Variants in TRAPPC9 observed in about 807,000 individuals in gnomAD.
TRAPPC9 encodes the protein IKK2 binding protein.
In TRAPPC9, 83 loss-of-function variants were observed where a neutral mutation model predicts 124.0. The observed-to-expected ratio is 0.67, with a 90% CI of 0.56 to 0.80. The LOEUF is 0.80. Among genes scored for constraint, TRAPPC9 ranks in the 30% least tolerant of loss-of-function variants. The pLI is 0.00. For missense variants in TRAPPC9, 1,302 were observed against 1,508.3 expected (o/e 0.86, Z 2.27); for synonymous variants, 638 against 617.5 (o/e 1.03, Z -0.49).
At chr8:140,056,160 G>T (rs902042952) in intron 17 of TRAPPC9, among the ~76,000 whole-genome samples, 5 of 152,168 alleles carry the variant, frequency 3.3e-5, no homozygotes, top group African/African-American at 9.6e-5. Flanking sequence ...TGGAATCCCA[G>T]CACTTTGGGA....
intron 21 of TRAPPC9, among the ~76,000 whole-genome samples, chr8:139,760,516 T>C (rs1360112318): frequency 6.6e-6 from 1 of 152,224 alleles, no homozygotes; most frequent in Non-Finnish European, 1.5e-5. Flanking sequence ...CCTGAGCTCT[T>C]TCTCAATGAG....
chr8:139,859,616 T>A (rs1236565745), intron 21 of TRAPPC9, among the ~76,000 whole-genome samples: 1 of 152,218 alleles, frequency 6.6e-6, no homozygotes, highest in Non-Finnish European at 1.5e-5. Context: ...ACACACAGAA[T>A]GGGTCCTGAT....
At chr8:140,017,147 G>A (rs1470799293) in intron 18 of TRAPPC9, among the ~76,000 whole-genome samples, 2 of 152,264 alleles carry the variant, frequency 1.3e-5, no homozygotes, top group East Asian at 3.9e-4. Flanking sequence ...TAAGATACAA[G>A]ACGTTTGTTA....
intron 19 of TRAPPC9, among the ~76,000 whole-genome samples, chr8:139,974,212 T>C (rs1171488013): frequency 6.6e-6 from 1 of 152,194 alleles, no homozygotes. Context: ...CAGGCTCATG[T>C]ATCGGTACGC....
intron 17 of TRAPPC9, among the ~76,000 whole-genome samples, chr8:140,157,523 T>G (rs921905592): frequency 1.3e-5 from 2 of 152,222 alleles, no homozygotes; most frequent in Non-Finnish European, 2.9e-5. Context: ...AACAATGAGA[T>G]TCCATGTAAC....
At chr8:140,363,978 G>A (rs957491349) in intron 8 of TRAPPC9, among the ~76,000 whole-genome samples, 5 of 152,054 alleles carry the variant, frequency 3.3e-5, no homozygotes, top group South Asian at 2.1e-4. Flanking sequence ...AAGAGAAAAC[G>A]GCATTCGATG....
intron 18 of TRAPPC9, among the ~76,000 whole-genome samples, chr8:140,011,809 C>T (rs1839154633): frequency 6.6e-6 from 1 of 151,362 alleles, no homozygotes; most frequent in Admixed American, 6.6e-5. Context: ...TCCTGAGTAG[C>T]TGGGATTACA....
intron 4 of TRAPPC9, among the ~76,000 whole-genome samples, chr8:140,429,238 C>T (rs535122162): frequency 1.9e-4 from 29 of 152,148 alleles, no homozygotes; most frequent in African/African-American, 6.7e-4. Context: ...CGCACCACCA[C>T]GTCCAGCTAA....
At chr8:140,081,123 T>C (rs1843787920) in intron 17 of TRAPPC9, among the ~76,000 whole-genome samples, 1 of 152,112 alleles carries the variant, frequency 6.6e-6, no homozygotes, top group African/African-American at 2.4e-5. Flanking sequence ...CTATGCCATC[T>C]ATCCCCAGTG....
intron 9 of TRAPPC9, among the ~76,000 whole-genome samples, chr8:140,322,889 C>T (rs919233780): frequency 2.6e-5 from 4 of 152,152 alleles, no homozygotes; most frequent in Admixed American, 1.3e-4. Context: ...AGCATGATAT[C>T]GTAAAATATC....
At chr8:140,439,994 C>T (rs1160115837) in intron 2 of TRAPPC9, among the ~76,000 whole-genome samples, 1 of 152,158 alleles carries the variant, frequency 6.6e-6, no homozygotes, top group Non-Finnish European at 1.5e-5. Context: ...ATTGACACAT[C>T]TCAATACAAT....
chr8:139,742,161 G>A lies in TRAPPC9; in HGVS notation c.3056-9959C>T, dbSNP rs150567485. ...TGCGGGAGAGGCCTGACTGCTCCACGCCTTCTATGGCACTGTGGTTGCCTG... is the reference window on the plus strand; with the variant it reads ...TGCGGGAGAGGCCTGACTGCTCCACACCTTCTATGGCACTGTGGTTGCCTG... On this transcript the variant is annotated intron_variant, in intron 21 of 22. Transcript: ENST00000438773. The surrounding 1 kb of genome is among the most constrained non-coding windows in gnomAD (Gnocchi z 4.7). 6.6e-5 allele frequency among the ~76,000 whole-genome samples: 10 copies of A among 152,290 alleles called. No individual in the cohort carries two copies. The East Asian group carries it at 1.5e-3, about 24-fold the overall frequency.
chr8:140,335,214 C>T (rs554731250), intron 9 of TRAPPC9, among the ~76,000 whole-genome samples: 41 of 152,158 alleles, frequency 2.7e-4, no homozygotes, highest in Admixed American at 1.6e-3. Flanking sequence ...TAACTCCGGC[C>T]GCAATGTGAC....
intron 17 of TRAPPC9, among the ~76,000 whole-genome samples, chr8:140,061,862 G>A (rs1309380263): frequency 6.6e-6 from 1 of 152,112 alleles, no homozygotes; most frequent in Non-Finnish European, 1.5e-5. Context: ...CCTTCTCCAG[G>A]CCAGTCCTCC....
intron 19 of TRAPPC9, among the ~76,000 whole-genome samples, chr8:139,947,894 G>GTGTATATATATA (rs1554678277): frequency 3.0e-5 from 2 of 65,842 alleles, no homozygotes; most frequent in Admixed American, 1.8e-4. Flanking sequence ...AAATATGTGT[G>GTGTATATATATA]TATATATATA....
At chr8:140,055,312 T>A (rs925358591) in intron 17 of TRAPPC9, among the ~76,000 whole-genome samples, 1 of 152,088 alleles carries the variant, frequency 6.6e-6, no homozygotes, top group Non-Finnish European at 1.5e-5. Flanking sequence ...ATGAGAAAAT[T>A]CAACACCCTT....
chr8:140,174,563 C>T (rs923496456), intron 17 of TRAPPC9, among the ~76,000 whole-genome samples: 7 of 152,076 alleles, frequency 4.6e-5, no homozygotes, highest in African/African-American at 1.4e-4. Flanking sequence ...CAGTCACTCC[C>T]GATTCCCCCT....
intron 19 of TRAPPC9, among the ~76,000 whole-genome samples, chr8:139,968,178 A>T (rs1464062969): frequency 1.3e-5 from 2 of 151,874 alleles, no homozygotes; most frequent in Admixed American, 6.6e-5. Context: ...AAAACAAAAT[A>T]AAAAAACAAA....
At chr8:139,904,991 T>G (rs1398698233) in intron 20 of TRAPPC9, 1 of 152,076 alleles carries the variant, frequency 6.6e-6, no homozygotes, top group Non-Finnish European at 1.5e-5. Flanking sequence ...TCACAGAGAG[T>G]TGGCTATGCT....
Sources: gnomAD v4.1 joint callset for allele counts (sites outside exome capture counted in the v4.1 genomes callset) on GRCh38, gnomAD v4.1.1 for gene constraint, Gnocchi (gnomAD v3.1) non-coding constraint, MANE v1.5 for transcripts, NCBI Gene and HGNC (gene_info 2026-07-23, HGNC 2026-07-21) for gene names.